The following CACNA1E variants were observed in gnomAD, a reference collection of about 807,000 sequenced individuals.
CACNA1E encodes the protein calcium voltage-gated channel subunit alpha1 E, also known as voltage-dependent R-type calcium channel subunit alpha-1E.
Under a neutral mutation model 259.2 loss-of-function variants are expected in CACNA1E, and 40 were observed. That is an observed-to-expected ratio of 0.15 (90% CI 0.12 to 0.20). CACNA1E has a LOEUF of 0.20. Ranked by LOEUF, CACNA1E falls within the 10% of genes least tolerant of loss-of-function variation. CACNA1E has a pLI of 1.00. For synonymous variants in CACNA1E, 1,104 were observed against 1,138.5 expected (o/e 0.97, Z 0.61); for missense variants, 1,874 against 3,040.1 (o/e 0.62, Z 9.02).
chr1:181,666,787 G>A, intron 7 of CACNA1E, among the ~76,000 whole-genome samples: 1 of 151,962 alleles, frequency 6.6e-6, no homozygotes. Flanking sequence ...GTATATATAA[G>A]TGTAAAGTGT....
At chr1:181,387,831 G>A (rs914857912) in intron 1 of CACNA1E, among the ~76,000 whole-genome samples, 6 of 152,128 alleles carry the variant, frequency 3.9e-5, no homozygotes, top group African/African-American at 1.2e-4. Flanking sequence ...CACTTGCAGC[G>A]ACGTGGACTA....
At position 181,398,964 on chromosome 1, in the gene CACNA1E, G is replaced by A. The variant is rs1656889411; in HGVS notation, c.-14-14169G>A. ...CCCTTCCAGGCAATGCTGCTGTGTA[G>A]AAGGTCACTTCAGAAATTCTGTCTA... On this transcript the variant is annotated intron_variant, in intron 1 of 11. Coordinates refer to the CACNA1E transcript ENST00000524607. 2.0e-5 allele frequency among the ~76,000 whole-genome samples: 3 copies of A among 152,316 alleles called. No homozygotes were observed. The South Asian group carries it at 6.2e-4, about 32-fold the overall frequency.
intron 27 of CACNA1E, among the ~76,000 whole-genome samples, chr1:181,752,481 G>C (rs143193099): frequency 6.6e-6 from 1 of 152,158 alleles, no homozygotes; most frequent in African/African-American, 2.4e-5. Flanking sequence ...TCTTCTCTCC[G>C]GTGTGATATG....
intron 7 of CACNA1E, among the ~76,000 whole-genome samples, chr1:181,656,079 A>G (rs1208821380): frequency 6.6e-6 from 1 of 152,262 alleles, no homozygotes; most frequent in Non-Finnish European, 1.5e-5. Context: ...AACATATACA[A>G]TTATGTACAG....
At chr1:181,605,847 T>C (rs1654185407) in intron 6 of CACNA1E, among the ~76,000 whole-genome samples, 1 of 152,240 alleles carries the variant, frequency 6.6e-6, no homozygotes, top group Non-Finnish European at 1.5e-5. Flanking sequence ...TTTGTCCAGA[T>C]GGAGATTTTG....
chr1:181,490,583 A>G (rs943122558), intron 1 of CACNA1E, among the ~76,000 whole-genome samples: 11 of 147,016 alleles, frequency 7.5e-5, no homozygotes, highest in Non-Finnish European at 1.0e-4. Context: ...GTTGATTTGA[A>G]TCACTGTTGC....
chr1:181,344,459 T>C (rs1362997083), intron 1 of CACNA1E, among the ~76,000 whole-genome samples: 1 of 152,170 alleles, frequency 6.6e-6, no homozygotes, highest in Non-Finnish European at 1.5e-5. Context: ...TCTCCTGAGA[T>C]GGCAGATGCT....
At chr1:181,322,805 C>T (rs1485044044) in intron 1 of CACNA1E, among the ~76,000 whole-genome samples, 1 of 152,156 alleles carries the variant, frequency 6.6e-6, no homozygotes, top group African/African-American at 2.4e-5. Flanking sequence ...CCTCCATAAA[C>T]ACTAGTCTGG....
At position 181,737,590 on chromosome 1, in the gene CACNA1E, T is replaced by C. The variant is rs1185661591; in HGVS notation, c.3488T>C (p.Ile1163Thr). The C allele has an allele frequency of 6.2e-7, 1 of 1,613,802 alleles. No individual in the cohort carries two copies. The highest frequency in any genetic ancestry group is 8.5e-7 in the Non-Finnish European group (1 of 1,179,858). The change falls in exon 23 of 48, where the codon ATT (isoleucine) becomes ACT (threonine). Residue 1163 changes from isoleucine to threonine, a missense_variant. By Grantham distance (89) the Ile-to-Thr change is moderately conservative. Around this residue, in one of 14 missense-constraint regions of CACNA1E, gnomAD observed 56 missense variants for 97.4 expected, o/e 0.57. Coordinates refer to ENST00000367573, the MANE Select transcript of CACNA1E (RefSeq NM_001205293.3). Reference protein sequence around the residue: ...RYFEMCILLVIAASSIALAAE... With the variant: ...RYFEMCILLVTAASSIALAAE... ...TTTGAGATGTGCATCCTCCTGGTGA[T>C]TGCAGCCAGCAGCATCGCCCTGGCG...
At chr1:181,646,328 C>T (rs1658260664) in intron 6 of CACNA1E, among the ~76,000 whole-genome samples, 1 of 152,206 alleles carries the variant, frequency 6.6e-6, no homozygotes, top group Admixed American at 6.5e-5. Context: ...CTAAGGCACA[C>T]ACAGGAGAGC....
In CACNA1E at chr1:181,739,271, T is replaced by G. The variant is rs758878409; in HGVS notation, c.3719+18T>G. 13 of 1,490,334 alleles carry G rather than the reference T, an allele frequency of 8.7e-6. No individual in the cohort carries two copies. In the East Asian group the frequency reaches 2.5e-4, roughly 28 times the overall value. 92.3% of individuals were successfully genotyped at this position (1,490,334 alleles called of 1,614,324 possible). On this transcript the variant is annotated intron_variant, in intron 25 of 47. Coordinates refer to ENST00000367573, the MANE Select transcript of CACNA1E (RefSeq NM_001205293.3). Reference sequence around the variant, plus strand: ...GCTCTGGCGTAAGTGACTCTTTTCATATTTGATTCCCTTCCTTCCCCTCTT... The same window carrying G: ...GCTCTGGCGTAAGTGACTCTTTTCAGATTTGATTCCCTTCCTTCCCCTCTT...
At chr1:181,631,693 G>T (rs1656760089) in intron 6 of CACNA1E, among the ~76,000 whole-genome samples, 2 of 152,184 alleles carry the variant, frequency 1.3e-5, no homozygotes, top group Admixed American at 1.3e-4. Context: ...GCACCTGAGG[G>T]AGGAAGAGGA....
rs150838756 is a variant in CACNA1E at position 181,543,883 on chromosome 1, T to C, written c.512+32373T>C. 7.2e-3 allele frequency among the ~76,000 whole-genome samples: 1,090 copies of C among 152,308 alleles called. 9 individuals carry two copies. Among genetic ancestry groups the C allele is most frequent in the South Asian group, 0.021 (99 of 4,826 alleles). On this transcript the variant is annotated intron_variant, in intron 3 of 47. Transcript: ENST00000367573. ...TGGAGAAATTTGGATCCTCACACATTGCTGTTGAGAATGTGAAATGGCACA... is the reference window on the plus strand; with the variant it reads ...TGGAGAAATTTGGATCCTCACACATCGCTGTTGAGAATGTGAAATGGCACA...
At chr1:181,619,739 G>A (rs980154270) in intron 6 of CACNA1E, among the ~76,000 whole-genome samples, 1 of 152,182 alleles carries the variant, frequency 6.6e-6, no homozygotes, top group Non-Finnish European at 1.5e-5. Context: ...AAGGCTGATG[G>A]ATTTATTGAT....
chr1:181,716,167 C>A, intron 10 of CACNA1E, 38 bp downstream of exon 10: 1 of 1,299,738 alleles, frequency 7.7e-7, no homozygotes, highest in Non-Finnish European at 1.1e-6. Flanking sequence ...TGCTCTGAAT[C>A]TCCCACGAAA....
upstream of CACNA1E, among the ~76,000 whole-genome samples, chr1:181,480,667 C>A (rs1214633236): frequency 6.6e-6 from 1 of 152,088 alleles, no homozygotes; most frequent in Admixed American, 6.5e-5. Flanking sequence ...GCTAGTGAGC[C>A]CTGCTTATTC....
intron 1 of CACNA1E, among the ~76,000 whole-genome samples, chr1:181,497,340 A>G (rs777357731): frequency 6.6e-6 from 1 of 152,064 alleles, no homozygotes; most frequent in Admixed American, 6.5e-5. Flanking sequence ...CTATACTTCC[A>G]CTGTGAAAAA....
intron 3 of CACNA1E, among the ~76,000 whole-genome samples, chr1:181,542,063 T>C (rs1180692232): frequency 2.0e-5 from 3 of 152,126 alleles, no homozygotes; most frequent in Non-Finnish European, 2.9e-5. Flanking sequence ...AGGAGCCCTA[T>C]GGAAAGTCAC....
At chr1:181,756,289 A>G (rs1658080905) in intron 29 of CACNA1E, among the ~76,000 whole-genome samples, 196 bp downstream of exon 29, 1 of 152,228 alleles carries the variant, frequency 6.6e-6, no homozygotes, top group East Asian at 1.9e-4. Context: ...GGGTGAGCAA[A>G]TCAGGAAAAT....
Sources: gnomAD v4.1 joint callset for allele counts (sites outside exome capture counted in the v4.1 genomes callset) on GRCh38, gnomAD v4.1.1 for gene constraint, gnomAD v4.1.1 regional missense constraint, MANE v1.5 for transcripts, NCBI Gene and HGNC (gene_info 2026-07-23, HGNC 2026-07-21) for gene names.